Variants in SIGLEC1 observed in about 807,000 individuals in gnomAD.
SIGLEC1 encodes the protein sialoadhesin.
In SIGLEC1, 132 loss-of-function variants were observed where a neutral mutation model predicts 148.0. The ratio of observed to expected loss-of-function variants is 0.89; its 90% CI spans 0.77 to 1.03. The LOEUF (loss-of-function observed/expected upper bound fraction) is 1.03, where lower values mean the gene tolerates loss of function less well. Ranked by LOEUF, SIGLEC1 falls within the 50% of genes least tolerant of loss-of-function variation. The pLI, the probability that SIGLEC1 is intolerant of heterozygous loss-of-function variation, is 0.00. For missense variants in SIGLEC1, 2,253 were observed against 2,271.4 expected (o/e 0.99, Z 0.16); for synonymous variants, 945 against 969.0 (o/e 0.98, Z 0.46).
chr20:3,701,404 T>C lies in SIGLEC1; in HGVS notation c.1466A>G (p.Tyr489Cys). 1 of 1,614,048 alleles carries C rather than the reference T, an allele frequency of 6.2e-7. No individual in the cohort carries two copies. The highest frequency in any genetic ancestry group is 1.7e-5 in the Admixed American group (1 of 60,004). ...RDLEETDSGEYKCSATNSLGN... is the reference protein window; with the variant it reads ...RDLEETDSGECKCSATNSLGN... ...AAGGGAGTTGGTGGCTGAGCACTTG[T>C]ACTCCCCACTGTCAGTTTCCTCCAG... Residue 489 changes from tyrosine to cysteine, a missense_variant, in exon 7 of 22, where the codon TAC becomes TGC. By Grantham distance (194) the Tyr-to-Cys change is radical (BLOSUM62 -2). Transcript: ENST00000344754.
At chr20:3,688,921 C>T in intron 21 of SIGLEC1, 1 of 602,466 alleles carries the variant, frequency 1.7e-6, no homozygotes, top group Non-Finnish European at 2.9e-6. Context: ...GCTGCCAAGT[C>T]CAGAAAGTCT....
Position 3,697,094 on chromosome 20 carries a change from T to G in SIGLEC1, c.2371A>C (p.Ser791Arg). Residue 791 changes from serine to arginine, a missense_variant, in exon 10 of 22, where the codon AGT (serine) becomes CGT (arginine). Transcript: ENST00000344754. Reference protein sequence around the residue: ...GAQLSTPVLLSVLYPPDRPKL... With the variant: ...GAQLSTPVLLRVLYPPDRPKL... ...CATGCCAGTCACCCACAGAGTACACTCAGGAGCACGGGAGTGGAGAGCTGG... is the reference window on the plus strand; with the variant it reads ...CATGCCAGTCACCCACAGAGTACACGCAGGAGCACGGGAGTGGAGAGCTGG... The G allele has an allele frequency of 6.6e-7, 1 of 1,521,320 alleles. No homozygotes were observed. The allele number at this position is 1,521,320 out of a possible 1,614,324, so 94.2% of individuals were successfully genotyped here.
Position 3,693,016 on chromosome 20 carries a change from G to T in SIGLEC1, c.3624C>A (p.Ala1208=). ...CTGTCGAGGAGGCCAAGAGGCGACC[G>T]GCGTGGCTGAGGGCCAGCTGGGCGG... ...RPPAQLALSH[A]GRLLASSTAA... is the part of the protein sequence containing the mutation. The change falls in exon 15 of 22, where the codon GCC becomes GCA. Residue 1208 remains alanine, a synonymous_variant. Coordinates refer to ENST00000344754, the MANE Select transcript of SIGLEC1 (RefSeq NM_023068.4). 6.2e-6 allele frequency: 10 copies of T among 1,611,828 alleles called. No homozygotes were observed. Among genetic ancestry groups the T allele is most frequent in the Non-Finnish European group, 7.6e-6 (9 of 1,179,694 alleles).
At chr20:3,699,081 C>G (rs758154874) in intron 8 of SIGLEC1, 121 bp downstream of exon 8, 175 of 1,205,614 alleles carry the variant, frequency 1.5e-4, no homozygotes, top group Non-Finnish European at 2.0e-4. Context: ...GTGGCCAGGT[C>G]TGTGACCCAG....
At chr20:3,703,176 C>T (rs762609965) in intron 6 of SIGLEC1, 21 bp downstream of exon 6, 1 of 1,613,302 alleles carries the variant, frequency 6.2e-7, no homozygotes, top group East Asian at 2.2e-5. Context: ...TGTCCAGTGC[C>T]ACCCCACCCT....
rs777913398 is a variant in SIGLEC1 at position 3,692,123 on chromosome 20, G to C, written c.4110C>G (p.Asp1370Glu). 6.2e-7 allele frequency: 1 copy of C among 1,605,878 alleles called. No individual in the cohort carries two copies. The highest frequency in any genetic ancestry group is 1.3e-5 in the African/African-American group (1 of 75,022). ...RSMAVIQCTV[D>E]SEPPAELALS... ...GGGCCAGCTCAGCAGGTGGCTCACT[G>C]TCCACAGTGCACTGTATCACAGCCA... The change falls in exon 17 of 22, where the codon GAC becomes GAG. Residue 1370 changes from aspartate to glutamate, a missense_variant. Physicochemically the swap from Asp to Glu is conservative, Grantham distance 45. Transcript: ENST00000344754.
chr20:3,694,440 C>T lies in SIGLEC1; in HGVS notation c.3037G>A (p.Ala1013Thr), dbSNP rs1190381533. ...LLCRVDSDPPAQLRLLHGDRL... is the reference protein window; with the variant it reads ...LLCRVDSDPPTQLRLLHGDRL... Reference sequence around the variant, plus strand: ...TCCCCGTGGAGCAGCCGCAGCTGGGCCGGAGGGTCACTGTCCACACGGCAC... The same window carrying T: ...TCCCCGTGGAGCAGCCGCAGCTGGGTCGGAGGGTCACTGTCCACACGGCAC... The change falls in exon 13 of 22, where the codon GCC (alanine) becomes ACC (threonine). Residue 1013 changes from alanine to threonine, a missense_variant. Ala to Thr is a moderately conservative substitution (Grantham distance 58, BLOSUM62 0). Coordinates refer to ENST00000344754, the MANE Select transcript of SIGLEC1 (RefSeq NM_023068.4). 6.2e-7 allele frequency: 1 copy of T among 1,610,678 alleles called. No homozygotes were observed. The highest frequency in any genetic ancestry group is 2.2e-5 in the East Asian group (1 of 44,770).
At position 3,689,995 on chromosome 20, in the gene SIGLEC1, A is replaced by G; in HGVS notation, c.4861T>C (p.Ser1621Pro). 6.2e-7 allele frequency: 1 copy of G among 1,613,122 alleles called. No individual in the cohort carries two copies. The highest frequency in any genetic ancestry group is 1.1e-5 in the South Asian group (1 of 90,918). The change falls in exon 19 of 22, where the codon TCT (serine) becomes CCT (proline). Residue 1621 changes from serine (S) to proline (P), a missense_variant. Coordinates refer to ENST00000344754, the MANE Select transcript of SIGLEC1 (RefSeq NM_023068.4). ...CCAAAGTAGGTGGAGGTAGAGGCAG[A>G]GCCCAGGACATTTGAGGCAGAACAG... is the stretch of plus-strand genomic sequence containing the variant. Reference protein sequence around the residue: ...YICSASNVLGSASTSTYFGVR... With the variant: ...YICSASNVLGPASTSTYFGVR...
At chr20:3,706,959 G>T in intron 2 of SIGLEC1, 121 bp downstream of exon 2, 1 of 1,188,186 alleles carries the variant, frequency 8.4e-7, no homozygotes, top group Non-Finnish European at 1.2e-6. Context: ...GCCACTGCCC[G>T]ATTGGGCCCT....
At chr20:3,689,107 T>C in intron 21 of SIGLEC1, 48 bp downstream of exon 21, 1 of 1,507,046 alleles carries the variant, frequency 6.6e-7, no homozygotes, top group Non-Finnish European at 9.2e-7. Flanking sequence ...CAGTTGGCAC[T>C]GTGGGTTAGC....
chr20:3,693,088 A>G lies in SIGLEC1; in HGVS notation c.3552T>C (p.His1184=). 2.5e-6 allele frequency: 4 copies of G among 1,595,136 alleles called. No homozygotes were observed. The stretch of plus-strand genomic sequence containing the variant: ...ACAGTACCAGGGCCAGCTGCCCGCC[A>G]TGGCTCTCCAGGAGGTAGGTCAGGC... The part of the protein sequence containing the change: ...NLRLTYLLES[H]GGQLALVLCT... The change falls in exon 15 of 22, where the codon CAT becomes CAC. Residue 1184 remains histidine (H), a synonymous_variant. Transcript: ENST00000344754.
At position 3,694,726 on chromosome 20, in the gene SIGLEC1, G is replaced by A; in HGVS notation, c.2881C>T (p.Gln961Ter). The change falls in exon 12 of 22, where the codon CAA becomes TAA. Residue 961 changes from glutamine (Q) to a stop codon, truncating the protein, a stop_gained. Transcript: ENST00000344754. LOFTEE classifies it high-confidence loss of function. ...TLTQAGAYHC[Q>*]AQAPGSATTS... ...GTGGCTGAGCCTGGGGCCTGGGCTT[G>A]GCAATGATAGGCCCCAGCTTGTGTC... 6.2e-7 allele frequency: 1 copy of A among 1,613,856 alleles called. No individual in the cohort carries two copies. Among genetic ancestry groups the A allele is most frequent in the Non-Finnish European group, 8.5e-7 (1 of 1,180,030 alleles).
chr20:3,707,099 CAGG>C lies in SIGLEC1; in HGVS notation c.27_29del (p.Leu10del), dbSNP rs1568463772. 3 of 1,614,118 alleles carry C rather than the reference CAGG, an allele frequency of 1.9e-6. No homozygotes were observed. Among genetic ancestry groups the C allele is most frequent in the South Asian group, 2.2e-5 (2 of 91,076 alleles). Reference sequence around the variant, plus strand: ...GCTTACCTGCTGGGAAGAATGAGGCCAGGAGGAGAAGCTTGGGCAAGAAGCCCA... The same window carrying C: ...GCTTACCTGCTGGGAAGAATGAGGCCAGGAGAAGCTTGGGCAAGAAGCCCA... On this transcript the variant is annotated inframe_deletion, in exon 2 of 22. Coordinates refer to ENST00000344754, the MANE Select transcript of SIGLEC1 (RefSeq NM_023068.4).
In SIGLEC1 at chr20:3,706,532, T is replaced by C. The variant is rs1363012737; in HGVS notation, c.224A>G (p.Asp75Gly). The C allele has an allele frequency of 2.5e-6, 4 of 1,612,806 alleles. No individual in the cohort carries two copies. Among genetic ancestry groups the C allele is most frequent in the Non-Finnish European group, 3.4e-6 (4 of 1,179,920 alleles). ...GQRQVVSHSA[D>G]PKLVEARFRG... ...GAAGCGGGCCTCCACCAGCTTGGGG[T>C]CCGCCGAGTGGCTCACCACCTGCCG... Residue 75 changes from aspartate to glycine, a missense_variant, in exon 3 of 22, where the codon GAC becomes GGC. Physicochemically the swap from Asp to Gly is moderately conservative, Grantham distance 94. Transcript: ENST00000344754.
rs370945464 is a variant in SIGLEC1, at chr20:3,694,973, C to T, written c.2684-50G>A. 31 of 1,561,176 alleles carry T rather than the reference C, an allele frequency of 2.0e-5. No homozygotes were observed. The African/African-American group carries it at 3.7e-4, about 19-fold the overall frequency. The stretch of plus-strand genomic sequence containing the variant: ...TGAGGGCTCTCCACCACACCTCTCA[C>T]AGTCTGGGACCATGTGCGTGTCCAC... On this transcript the variant is annotated intron_variant, in intron 11 of 21. Transcript: ENST00000344754.
chr20:3,703,585 G>A (rs2087869624), intron 5 of SIGLEC1, 134 bp from the exon 6 acceptor site: 1 of 1,212,006 alleles, frequency 8.3e-7, no homozygotes, highest in African/African-American at 1.5e-5. Flanking sequence ...CTACAGGGGA[G>A]CCTCCTGGAG....
At chr20:3,703,797 C>T (rs1237034232) in intron 5 of SIGLEC1, 28 bp downstream of exon 5, 1 of 1,612,462 alleles carries the variant, frequency 6.2e-7, no homozygotes. Context: ...TATTCTCTGG[C>T]CAATACGCAA....
In SIGLEC1 at chr20:3,694,687, C is replaced by A; in HGVS notation, c.2920G>T (p.Ala974Ser). The change falls in exon 12 of 22, where the codon GCA (alanine) becomes TCA (serine). Residue 974 changes from alanine (A) to serine (S), a missense_variant. Ala to Ser is a moderately conservative substitution (Grantham distance 99). Transcript: ENST00000344754. ...CAGGACACGTGGAGGCTGATGGGTG[C>A]AGCTAGGCTCGTGGTGGCTGAGCCT... ...APGSATTSLA[A>S]PISLHVSYAP... The A allele has an allele frequency of 1.9e-6, 3 of 1,613,684 alleles. No individual in the cohort carries two copies. The highest frequency in any genetic ancestry group is 2.5e-6 in the Non-Finnish European group (3 of 1,179,916).
intron 1 of SIGLEC1, among the ~76,000 whole-genome samples, chr20:3,708,110 G>T (rs2087908561): frequency 6.6e-6 from 1 of 152,212 alleles, no homozygotes; most frequent in African/African-American, 2.4e-5. Flanking sequence ...GAGGTCTTTA[G>T]GGGTTCAGAG....
Sources: gnomAD v4.1 joint callset for allele counts (sites outside exome capture counted in the v4.1 genomes callset) on GRCh38, gnomAD v4.1.1 for gene constraint, MANE v1.5 for transcripts, NCBI Gene and HGNC (gene_info 2026-07-23, HGNC 2026-07-21) for gene names.